Variants in LINGO2 observed in about 807,000 individuals in gnomAD.
LINGO2 encodes leucine rich repeat and Ig domain containing 2.
Under a neutral mutation model 30.6 loss-of-function variants are expected in LINGO2, and 14 were observed. That is an observed-to-expected ratio of 0.46 (90% confidence interval 0.30 to 0.72). LINGO2 has a LOEUF of 0.72. Ranked by LOEUF, LINGO2 falls within the 30% of genes least tolerant of loss-of-function variation. The probability of loss-of-function intolerance (pLI) is 0.07; values close to 1 mark genes in which losing one functional copy is unlikely to be tolerated. For synonymous variants in LINGO2, 317 were observed against 288.5 expected, an observed-to-expected ratio of 1.10 and a Z score of -1.00; for missense variants, 729 against 751.7, an observed-to-expected ratio of 0.97 and a Z score of 0.35.
At chr9:28,837,303 T>C in the LINGO2 span, among the ~76,000 whole-genome samples, 1 of 152,118 alleles carries the variant, frequency 6.6e-6, no homozygotes, top group Non-Finnish European at 1.5e-5. Context: ...TTCCAGCCTA[T>C]GCTCCAAGAA....
At chr9:28,241,932 A>G (rs1175554751) in intron 4 of LINGO2, among the ~76,000 whole-genome samples, 3 of 152,172 alleles carry the variant, frequency 2.0e-5, no homozygotes, top group Non-Finnish European at 2.9e-5. Context: ...TAACAGCATC[A>G]ACAAAAAAGT....
the LINGO2 span, among the ~76,000 whole-genome samples, chr9:28,833,246 C>T: frequency 6.6e-6 from 1 of 152,146 alleles, no homozygotes. Flanking sequence ...ATATACCCCT[C>T]TTTTGTAGTA....
At chr9:28,595,900 T>C (rs944978003) in intron 1 of LINGO2, among the ~76,000 whole-genome samples, 1 of 152,160 alleles carries the variant, frequency 6.6e-6, no homozygotes, top group Admixed American at 6.6e-5. Flanking sequence ...AACATAAAGA[T>C]ACTAGCTAAA....
At chr9:28,259,927 C>G (rs1242453015) in intron 4 of LINGO2, among the ~76,000 whole-genome samples, 2 of 151,886 alleles carry the variant, frequency 1.3e-5, no homozygotes, top group African/African-American at 4.8e-5. Flanking sequence ...CAACTAACAT[C>G]TCATAGATTG....
the LINGO2 span, among the ~76,000 whole-genome samples, chr9:29,146,719 T>C: frequency 6.6e-6 from 1 of 152,184 alleles, no homozygotes; most frequent in African/African-American, 2.4e-5. Flanking sequence ...CATCCTTCAA[T>C]TGTTTTTTGT....
At chr9:28,401,278 C>T (rs1168918740) in intron 2 of LINGO2, among the ~76,000 whole-genome samples, 1 of 152,016 alleles carries the variant, frequency 6.6e-6, no homozygotes, top group Non-Finnish European at 1.5e-5. Context: ...CCTCTAAGCT[C>T]CCTCCCCTTA....
chr9:27,940,253 G>A, the LINGO2 span: 9 of 152,222 alleles, frequency 5.9e-5, no homozygotes, highest in East Asian at 1.7e-3. Context: ...GACATGTCCT[G>A]ATTTGCCAAT....
At chr9:28,707,366 A>G in the LINGO2 span, among the ~76,000 whole-genome samples, 4 of 152,172 alleles carry the variant, frequency 2.6e-5, no homozygotes, top group African/African-American at 9.6e-5. Flanking sequence ...CCCATTGACC[A>G]TTAGATAAAT....
intron 2 of LINGO2, among the ~76,000 whole-genome samples, chr9:28,411,803 A>G (rs1400695516): frequency 6.6e-6 from 1 of 152,114 alleles, no homozygotes; most frequent in African/African-American, 2.4e-5. Flanking sequence ...ATTGCTGGAT[A>G]ACTGGTAAAT....
chr9:28,342,061 A>G (rs1825784778), intron 3 of LINGO2, among the ~76,000 whole-genome samples: 1 of 152,146 alleles, frequency 6.6e-6, no homozygotes, highest in African/African-American at 2.4e-5. Flanking sequence ...TTATGGGGAA[A>G]GTTCTCCTTC....
the LINGO2 span, among the ~76,000 whole-genome samples, chr9:28,687,896 C>A: frequency 6.6e-6 from 1 of 151,950 alleles, no homozygotes; most frequent in Non-Finnish European, 1.5e-5. Flanking sequence ...AACGATTATA[C>A]CCAAATCACA....
the LINGO2 span, among the ~76,000 whole-genome samples, chr9:28,784,884 G>C: frequency 3.3e-5 from 5 of 151,658 alleles, no homozygotes; most frequent in South Asian, 8.4e-4. Context: ...GGAGGTGGAG[G>C]TTGTAGTGAG....
intron 4 of LINGO2, among the ~76,000 whole-genome samples, chr9:28,059,519 T>C (rs1825076091): frequency 6.6e-6 from 1 of 152,064 alleles, no homozygotes; most frequent in Admixed American, 6.6e-5. Flanking sequence ...AAGGTTACAC[T>C]CAGGGAATGC....
intron 1 of LINGO2, among the ~76,000 whole-genome samples, chr9:28,498,146 C>G (rs998551213): frequency 3.9e-5 from 6 of 152,164 alleles, no homozygotes; most frequent in African/African-American, 1.4e-4. Flanking sequence ...TCTCAGATCT[C>G]AAACTCCGTG....
chr9:29,155,310 T>A, the LINGO2 span, among the ~76,000 whole-genome samples: 1 of 152,136 alleles, frequency 6.6e-6, no homozygotes, highest in Admixed American at 6.5e-5. Flanking sequence ...CATATTTAAC[T>A]CTAGAAAATA....
In LINGO2 at chr9:27,976,804, A is replaced by G. The variant is rs573916561; in HGVS notation, c.-35-26098T>C. Among the ~76,000 whole-genome samples the G allele has an allele frequency of 5.3e-5, 8 of 152,226 alleles. No homozygotes were observed. In the South Asian group the frequency reaches 1.4e-3, roughly 28 times the overall value. The stretch of plus-strand genomic sequence containing the variant: ...GCACAAAATAAATGTTACATCCTTC[A>G]TATTTTCCAGTTGAGTAGATGCCAG... On this transcript the variant is annotated intron_variant, in intron 5 of 5. Transcript: ENST00000379992.
the LINGO2 span, among the ~76,000 whole-genome samples, chr9:29,156,004 A>G: frequency 1.3e-5 from 2 of 152,236 alleles, no homozygotes; most frequent in African/African-American, 4.8e-5. Context: ...TCTTACCATA[A>G]CATTCCAGGA....
intron 5 of LINGO2, among the ~76,000 whole-genome samples, chr9:27,985,473 T>C (rs1821081067): frequency 6.6e-6 from 1 of 151,864 alleles, no homozygotes; most frequent in African/African-American, 2.4e-5. Flanking sequence ...GCTTGAACAG[T>C]TTAACTGTGC....
At chr9:28,766,248 CAATAAAACA>C in the LINGO2 span, among the ~76,000 whole-genome samples, 2 of 151,656 alleles carry the variant, frequency 1.3e-5, no homozygotes, top group African/African-American at 4.9e-5. Flanking sequence ...AACTTAATAG[CAATAAAACA>C]AATAACCCAA....
Sources: gnomAD v4.1 joint callset for allele counts (sites outside exome capture counted in the v4.1 genomes callset) on GRCh38, gnomAD v4.1.1 for gene constraint, MANE v1.5 for transcripts, NCBI Gene and HGNC (gene_info 2026-07-23, HGNC 2026-07-21) for gene names.